Variants in ANKS1B observed in about 807,000 individuals in gnomAD.
ANKS1B encodes the protein ankyrin repeat and sterile alpha motif domain-containing protein 1B.
A neutral mutation model predicts 148.3 loss-of-function variants in ANKS1B; 36 were observed. The ratio of observed to expected loss-of-function variants is 0.24; its 90% CI spans 0.19 to 0.32. ANKS1B has a LOEUF of 0.32. Ranked by LOEUF, ANKS1B falls within the 10% of genes least tolerant of loss-of-function variation. The pLI is 1.00. For synonymous variants in ANKS1B, 542 were observed against 560.8 expected (o/e 0.97, Z 0.47); for missense variants, 1,157 against 1,542.6 (o/e 0.75, Z 4.19).
intron 12 of ANKS1B, among the ~76,000 whole-genome samples, chr12:99,288,427 A>G (rs903163211): frequency 2.0e-5 from 3 of 152,162 alleles, no homozygotes; most frequent in African/African-American, 7.2e-5. Context: ...GAGTTCTTCA[A>G]TCTGAAAGAA....
At chr12:99,845,238 T>C (rs188639156) in intron 1 of ANKS1B, among the ~76,000 whole-genome samples, 77 of 152,316 alleles carry the variant, frequency 5.1e-4, no homozygotes, top group Admixed American at 8.5e-4. Flanking sequence ...TTTTGCCGGA[T>C]TGCCCTGGCC....
chr12:99,871,991 T>C (rs1246891622), intron 1 of ANKS1B, among the ~76,000 whole-genome samples: 1 of 152,152 alleles, frequency 6.6e-6, no homozygotes, highest in Non-Finnish European at 1.5e-5. Flanking sequence ...AAAAGATTGA[T>C]AACTTGCATT....
intron 8 of ANKS1B, among the ~76,000 whole-genome samples, chr12:99,716,169 CTCT>C (rs902438159): frequency 2.0e-5 from 3 of 151,928 alleles, no homozygotes; most frequent in African/African-American, 7.3e-5. Context: ...GTGCCCCGAC[CTCT>C]TATCTCTGTG....
At chr12:98,809,754 C>A (rs1043586347) in intron 19 of ANKS1B, among the ~76,000 whole-genome samples, 1 of 152,150 alleles carries the variant, frequency 6.6e-6, no homozygotes, top group Non-Finnish European at 1.5e-5. Flanking sequence ...TGAACGGACC[C>A]CCTTGTGGCC....
At chr12:99,504,366 G>T in intron 10 of ANKS1B, 110 bp downstream of exon 10, 1 of 1,111,292 alleles carries the variant, frequency 9.0e-7, no homozygotes, top group Non-Finnish European at 1.3e-6. Context: ...AACTACATTG[G>T]GGGAACTTTC....
At chr12:99,716,861 G>C (rs2057400862) in intron 8 of ANKS1B, among the ~76,000 whole-genome samples, 1 of 151,974 alleles carries the variant, frequency 6.6e-6, no homozygotes, top group Non-Finnish European at 1.5e-5. Flanking sequence ...GGCCGAGCTA[G>C]GTCCCAATTC....
At chr12:99,859,322 A>G (rs879202877) in intron 1 of ANKS1B, among the ~76,000 whole-genome samples, 3 of 152,256 alleles carry the variant, frequency 2.0e-5, no homozygotes, top group Non-Finnish European at 2.9e-5. Context: ...TAACAAGTTT[A>G]CACGCATAAT....
At chr12:99,806,174 T>C (rs1245625076) in intron 4 of ANKS1B, among the ~76,000 whole-genome samples, 1 of 152,224 alleles carries the variant, frequency 6.6e-6, no homozygotes, top group Non-Finnish European at 1.5e-5. Flanking sequence ...AACTGCCATC[T>C]ACTAACTTCT....
chr12:99,092,220 G>A (rs1180190947), intron 15 of ANKS1B, among the ~76,000 whole-genome samples: 1 of 152,134 alleles, frequency 6.6e-6, no homozygotes, highest in Non-Finnish European at 1.5e-5. Context: ...GTCTCACTGG[G>A]TTGACACCAT....
chr12:99,875,886 A>G (rs1262553369), intron 1 of ANKS1B, among the ~76,000 whole-genome samples: 1 of 152,216 alleles, frequency 6.6e-6, no homozygotes, highest in South Asian at 2.1e-4. Context: ...TTTTTATGTG[A>G]AAACAGAAAA....
At chr12:99,959,204 G>T (rs1215510528) in intron 1 of ANKS1B, among the ~76,000 whole-genome samples, 1 of 150,426 alleles carries the variant, frequency 6.6e-6, no homozygotes, top group Non-Finnish European at 1.5e-5. Flanking sequence ...TGGACTACAG[G>T]TGCAGGCCAC....
rs1466232572 is a variant in ANKS1B at position 98,745,711 on chromosome 12, C to A, written c.*28G>T. ...CTCCGGGACCGCTTGGCGAGCAAGGCACCGCGAGGACAGGAGGACGGCGAG... is the reference window on the plus strand; with the variant it reads ...CTCCGGGACCGCTTGGCGAGCAAGGAACCGCGAGGACAGGAGGACGGCGAG... On this transcript the variant is annotated 3_prime_UTR_variant, in exon 27 of 27. Transcript: ENST00000683438. 2 of 1,610,768 alleles carry A rather than the reference C, an allele frequency of 1.2e-6. No individual in the cohort carries two copies. The highest frequency in any genetic ancestry group is 2.2e-5 in the South Asian group (2 of 90,614).
chr12:99,695,758 G>T (rs2053803740), intron 8 of ANKS1B, among the ~76,000 whole-genome samples: 1 of 152,168 alleles, frequency 6.6e-6, no homozygotes, highest in East Asian at 1.9e-4. Flanking sequence ...AGAGCATCAT[G>T]ATAAAGAGCT....
intron 11 of ANKS1B, among the ~76,000 whole-genome samples, chr12:99,400,868 A>G (rs920331247): frequency 6.9e-6 from 1 of 144,918 alleles, no homozygotes; most frequent in Admixed American, 6.9e-5. Context: ...TCCATAGATT[A>G]TTTTCCTGCA....
intron 1 of ANKS1B, among the ~76,000 whole-genome samples, chr12:99,887,018 A>G (rs1260020999): frequency 6.6e-6 from 1 of 152,206 alleles, no homozygotes; most frequent in Non-Finnish European, 1.5e-5. Flanking sequence ...ATCCCCAGAA[A>G]GCTATCTTGT....
chr12:99,113,726 C>T (rs1211567747), intron 15 of ANKS1B, among the ~76,000 whole-genome samples: 1 of 152,200 alleles, frequency 6.6e-6, no homozygotes, highest in Non-Finnish European at 1.5e-5. Context: ...AGTAGACTCT[C>T]AGAGAAGGCC....
chr12:98,741,637 C>A (rs1230926038), downstream of ANKS1B, among the ~76,000 whole-genome samples: 1 of 152,198 alleles, frequency 6.6e-6, no homozygotes, highest in Non-Finnish European at 1.5e-5. Context: ...TTGCAACCTG[C>A]TCAAACCCAC....
intron 19 of ANKS1B, among the ~76,000 whole-genome samples, chr12:98,828,141 G>A (rs953850444): frequency 3.2e-4 from 48 of 152,072 alleles, no homozygotes; most frequent in Non-Finnish European, 5.4e-4. Context: ...AGAACCCAGA[G>A]AACAATTCAA....
chr12:99,249,876 C>G (rs1202420958), intron 12 of ANKS1B, among the ~76,000 whole-genome samples: 1 of 152,234 alleles, frequency 6.6e-6, no homozygotes, highest in Non-Finnish European at 1.5e-5. Flanking sequence ...GTGAACAAGC[C>G]AGGCTGGCCT....
Sources: allele counts gnomAD v4.1 joint callset (sites outside exome capture counted in the v4.1 genomes callset), GRCh38; gene constraint gnomAD v4.1.1; transcripts MANE v1.5; gene names NCBI Gene and HGNC (gene_info 2026-07-23, HGNC 2026-07-21).